Variants in CFAP43 observed in about 807,000 individuals in gnomAD.
The protein encoded by CFAP43 is cilia- and flagella-associated protein 43.
Under a neutral mutation model 218.9 loss-of-function variants are expected in CFAP43, and 155 were observed. The observed-to-expected ratio is 0.71, with a 90% confidence interval of 0.62 to 0.81. The LOEUF (loss-of-function observed/expected upper bound fraction) is 0.81, where lower values mean the gene tolerates loss of function less well. Among genes scored for constraint, CFAP43 ranks in the 30% least tolerant of loss-of-function variants. The pLI is 0.00. For missense variants in CFAP43, 1,778 were observed against 1,954.3 expected, an observed-to-expected ratio of 0.91 and a Z score of 1.70; for synonymous variants, 645 against 681.3, an observed-to-expected ratio of 0.95 and a Z score of 0.83.
intron 3 of CFAP43, among the ~76,000 whole-genome samples, chr10:104,217,923 CTATT>C (rs1198750921): frequency 6.6e-6 from 1 of 152,226 alleles, no homozygotes; most frequent in African/African-American, 2.4e-5. Flanking sequence ...GCTTCATAAA[CTATT>C]TACATAAATG....
In CFAP43 at chr10:104,130,044, C is replaced by G; in HGVS notation, c.*95G>C. The G allele has an allele frequency of 7.1e-7, 1 of 1,404,492 alleles. No individual in the cohort carries two copies. The highest frequency in any genetic ancestry group is 9.4e-7 in the Non-Finnish European group (1 of 1,061,148). The allele number at this position is 1,404,492 out of a possible 1,614,324, so 87.0% of individuals were successfully genotyped here. On this transcript the variant is annotated 3_prime_UTR_variant, in exon 38 of 38. Transcript: ENST00000357060. ...ATGCAACTCAGAGGACATGCTACTT[C>G]AATTTCCCAGTAAGAAAGAAAAGGA...
intron 24 of CFAP43, among the ~76,000 whole-genome samples, chr10:104,163,354 A>C (rs1166111567): frequency 6.6e-6 from 1 of 152,238 alleles, no homozygotes; most frequent in Non-Finnish European, 1.5e-5. Context: ...AGAGACTGTT[A>C]AAATATTTTC....
At chr10:104,229,981 G>A (rs540200475) in intron 2 of CFAP43, among the ~76,000 whole-genome samples, 1 of 152,122 alleles carries the variant, frequency 6.6e-6, no homozygotes. Context: ...AATCACCTGG[G>A]AATTTTGTTA....
intron 19 of CFAP43, 26 bp downstream of exon 19, chr10:104,179,003 T>A (rs1316581503): frequency 6.4e-7 from 1 of 1,573,570 alleles, no homozygotes. Context: ...GCCAAAGGTA[T>A]TAGAATATGA....
intron 19 of CFAP43, 60 bp downstream of exon 19, chr10:104,178,969 T>A: frequency 1.4e-6 from 2 of 1,383,900 alleles, no homozygotes; most frequent in South Asian, 2.5e-5. Flanking sequence ...AAAATTAAGT[T>A]CAAAAAGTAA....
At chr10:104,177,035 A>C (rs934833757) in intron 19 of CFAP43, among the ~76,000 whole-genome samples, 1 of 152,200 alleles carries the variant, frequency 6.6e-6, no homozygotes, top group African/African-American at 2.4e-5. Flanking sequence ...TAGAGTTATG[A>C]AAAGGTGCTC....
chr10:104,185,254 G>T, intron 15 of CFAP43, 108 bp from the exon 16 acceptor site: 1 of 1,418,768 alleles, frequency 7.0e-7, no homozygotes, highest in Non-Finnish European at 9.7e-7. Flanking sequence ...TTTTCTATTT[G>T]CTAACAGCAT....
At chr10:104,174,226 A>T (rs1002016421) in intron 19 of CFAP43, among the ~76,000 whole-genome samples, 1 of 152,242 alleles carries the variant, frequency 6.6e-6, no homozygotes, top group Non-Finnish European at 1.5e-5. Flanking sequence ...GTCTGTTTTC[A>T]TGCAGCTGAA....
rs569817538 is a variant in CFAP43, at chr10:104,159,169, T to C, written c.3540+1868A>G. On this transcript the variant is annotated intron_variant, in intron 27 of 37. Transcript: ENST00000357060. ...GTTTGACATTTTCCACGATACAAGA[T>C]TTTTTTTTTACTTGAGAGAGAAATT... Among the ~76,000 whole-genome samples, 215 of 149,580 alleles carry C rather than the reference T, an allele frequency of 1.4e-3. 1 individual carries two copies. Among genetic ancestry groups the C allele is most frequent in the African/African-American group, 5.1e-3 (205 of 40,514 alleles).
intron 14 of CFAP43, among the ~76,000 whole-genome samples, chr10:104,186,902 G>C (rs1287109992): frequency 3.3e-5 from 5 of 152,154 alleles, no homozygotes; most frequent in African/African-American, 2.4e-5. Context: ...AGTCTGAAGA[G>C]AGTGTAATGA....
At chr10:104,192,147 A>G (rs1170202445) in intron 12 of CFAP43, 52 bp downstream of exon 12, 3 of 1,359,780 alleles carry the variant, frequency 2.2e-6, no homozygotes, top group Non-Finnish European at 3.1e-6. Context: ...TCATAACCTT[A>G]AATTCTTTGA....
chr10:104,161,916 TTTCCACCCCA>T lies in CFAP43; in HGVS notation c.3414+35_3414+44del, dbSNP rs756659997. 5 of 1,572,732 alleles carry T rather than the reference TTTCCACCCCA, an allele frequency of 3.2e-6. 1 individual carries two copies. In the South Asian group the frequency reaches 5.9e-5, roughly 18 times the overall value. ...AAAAATGGTAAAACTTAAGTAGCTC[TTTCCACCCCA>T]TTCCACCTTCTATAAGGATGAACAG... On this transcript the variant is annotated intron_variant, in intron 26 of 37. Transcript: ENST00000357060.
At chr10:104,218,805 C>G (rs1318412114) in intron 3 of CFAP43, 2 of 548,348 alleles carry the variant, frequency 3.6e-6, no homozygotes, top group East Asian at 4.6e-5. Flanking sequence ...TCTGCTGTTC[C>G]TAGGGTGTTG....
At chr10:104,211,798 C>T (rs1240150225) in intron 5 of CFAP43, among the ~76,000 whole-genome samples, 1 of 152,212 alleles carries the variant, frequency 6.6e-6, no homozygotes, top group Non-Finnish European at 1.5e-5. Context: ...CCCCCTGTCT[C>T]TGTTAGCAAT....
At chr10:104,210,335 C>T (rs986990276) in intron 5 of CFAP43, among the ~76,000 whole-genome samples, 2 of 152,216 alleles carry the variant, frequency 1.3e-5, no homozygotes, top group African/African-American at 2.4e-5. Context: ...TTTGAATGAA[C>T]TAATCTTCAC....
At chr10:104,143,716 C>T in intron 31 of CFAP43, 77 bp from the exon 32 acceptor site, 2 of 1,385,744 alleles carry the variant, frequency 1.4e-6, no homozygotes, top group Non-Finnish European at 2.0e-6. Context: ...AGGCCCTTAG[C>T]ACAGGCATAA....
chr10:104,165,529 A>G (rs1364228028), intron 23 of CFAP43, among the ~76,000 whole-genome samples: 1 of 152,194 alleles, frequency 6.6e-6, no homozygotes, highest in East Asian at 1.9e-4. Context: ...ATGGCAGGAG[A>G]CTAGAATTCA....
chr10:104,157,253 C>A (rs1011420026), intron 27 of CFAP43, among the ~76,000 whole-genome samples: 1 of 152,114 alleles, frequency 6.6e-6, no homozygotes, highest in Admixed American at 6.5e-5. Flanking sequence ...AGGCCCATAC[C>A]TTTTTCCTTC....
chr10:104,224,591 C>T (rs1341446135), intron 3 of CFAP43, among the ~76,000 whole-genome samples: 1 of 150,736 alleles, frequency 6.6e-6, no homozygotes, highest in African/African-American at 2.4e-5. Flanking sequence ...CCCGTCTCTA[C>T]AAAAATACAA....
Sources: gnomAD v4.1 joint callset for allele counts (sites outside exome capture counted in the v4.1 genomes callset) on GRCh38, gnomAD v4.1.1 for gene constraint, MANE v1.5 for transcripts, NCBI Gene and HGNC (gene_info 2026-07-23, HGNC 2026-07-21) for gene names.